NUTM2G: variants seen among roughly 807,000 people sequenced by gnomAD.
The protein encoded by NUTM2G is NUT family member 2G.
A neutral mutation model predicts 44.3 loss-of-function variants in NUTM2G; 29 were observed. The ratio of observed to expected loss-of-function variants is 0.66; its 90% CI spans 0.49 to 0.89. The LOEUF (loss-of-function observed/expected upper bound fraction) is 0.89, where lower values mean the gene tolerates loss of function less well. NUTM2G is among the 40% of genes least tolerant of loss of function. The pLI is 0.00. For synonymous variants in NUTM2G, 205 were observed against 395.9 expected (o/e 0.52, Z 5.72); for missense variants, 502 against 946.5 (o/e 0.53, Z 6.16).
At position 96,935,492 on chromosome 9, in the gene NUTM2G, C is replaced by T. The variant is rs758990306; in HGVS notation, c.842+36C>T. ...GGTCCTGGGGGCAGGGCCCGTGTGGCGGGGTGAGAGTGAATGACAGAGGCC... is the reference window on the plus strand; with the variant it reads ...GGTCCTGGGGGCAGGGCCCGTGTGGTGGGGTGAGAGTGAATGACAGAGGCC... On this transcript the variant is annotated intron_variant, in intron 3 of 6. Coordinates refer to ENST00000372322, the MANE Select transcript of NUTM2G (RefSeq NM_001170741.3). The T allele has an allele frequency of 6.8e-6, 11 of 1,611,734 alleles. No homozygotes were observed. In the East Asian group the frequency reaches 1.1e-4, roughly 16 times the overall value.
downstream of NUTM2G, chr9:96,942,740 G>T (rs551822998): frequency 1.3e-5 from 2 of 149,570 alleles, no homozygotes; most frequent in African/African-American, 5.0e-5. Context: ...CACGTATACG[G>T]TATTTGCATA....
At chr9:96,935,954 A>G (rs963278034) in intron 3 of NUTM2G, among the ~76,000 whole-genome samples, 22 of 150,096 alleles carry the variant, frequency 1.5e-4, no homozygotes, top group African/African-American at 5.4e-4. Context: ...GTGAAGACAG[A>G]CAGACAGCAG....
chr9:96,937,791 G>C (rs866096476), intron 5 of NUTM2G, 94 bp from the exon 6 acceptor site: 1 of 1,554,440 alleles, frequency 6.4e-7, no homozygotes, highest in Non-Finnish European at 8.9e-7. Context: ...GGTGGGAATG[G>C]GGCCCTCCCT....
chr9:96,930,351 C>T (rs1826199329), intron 1 of NUTM2G, among the ~76,000 whole-genome samples: 1 of 152,116 alleles, frequency 6.6e-6, no homozygotes, highest in Non-Finnish European at 1.5e-5. Flanking sequence ...TGGTGAAACC[C>T]CGTCTCTACT....
At chr9:96,931,212 G>A (rs1826235104) in intron 1 of NUTM2G, among the ~76,000 whole-genome samples, 1 of 151,808 alleles carries the variant, frequency 6.6e-6, no homozygotes, top group South Asian at 2.1e-4. Flanking sequence ...CTTTTGTTGT[G>A]TTGAGCTAGG....
chr9:96,931,887 G>A lies in NUTM2G; in HGVS notation c.182G>A (p.Ser61Asn), dbSNP rs1469397101. ...CCTCTGGTGCTCTCTGCCTTCCCCAGCACCCCTCTAGTGGCAGGACAGGAT... is the reference window on the plus strand; with the variant it reads ...CCTCTGGTGCTCTCTGCCTTCCCCAACACCCCTCTAGTGGCAGGACAGGAT... ...AGPLVLSAFP[S>N]TPLVAGQDGR... is the part of the protein sequence containing the mutation. Residue 61 changes from serine (S) to asparagine (N), a missense_variant, in exon 2 of 7, where the codon AGC (serine) becomes AAC (asparagine). Physicochemically the swap from Ser to Asn is conservative, Grantham distance 46 (BLOSUM62 1). Transcript: ENST00000372322. The A allele has an allele frequency of 2.5e-6, 4 of 1,612,358 alleles. No individual in the cohort carries two copies. The highest frequency in any genetic ancestry group is 2.2e-5 in the South Asian group (2 of 90,994).
intron 2 of NUTM2G, among the ~76,000 whole-genome samples, chr9:96,932,715 C>T (rs1378570279): frequency 4.0e-5 from 6 of 150,602 alleles, no homozygotes; most frequent in South Asian, 4.2e-4. Flanking sequence ...TGCAATGGCG[C>T]GATCTCAGCT....
At chr9:96,929,212 G>C (rs1161634776) in intron 1 of NUTM2G, among the ~76,000 whole-genome samples, 172 bp downstream of exon 1, 4 of 152,158 alleles carry the variant, frequency 2.6e-5, no homozygotes, top group African/African-American at 9.7e-5. Context: ...TCTGTGGTTA[G>C]GGAGGAGGGC....
At chr9:96,932,897 C>T (rs1221261640) in intron 2 of NUTM2G, among the ~76,000 whole-genome samples, 3 of 151,862 alleles carry the variant, frequency 2.0e-5, no homozygotes, top group South Asian at 2.1e-4. Context: ...GATCTGCCCG[C>T]CTCAGCCTCT....
At chr9:96,929,860 T>A (rs1055297325) in intron 1 of NUTM2G, among the ~76,000 whole-genome samples, 3 of 151,676 alleles carry the variant, frequency 2.0e-5, no homozygotes, top group African/African-American at 7.3e-5. Context: ...TACTACCTCA[T>A]GAACGGGCGA....
At chr9:96,934,460 T>C (rs1826365818) in intron 2 of NUTM2G, among the ~76,000 whole-genome samples, 2 of 151,884 alleles carry the variant, frequency 1.3e-5, no homozygotes, top group South Asian at 4.1e-4. Context: ...CCCTGATTCT[T>C]GGAGTGTAGC....
At position 96,937,272 on chromosome 9, in the gene NUTM2G, C is replaced by T. The variant is rs374003970; in HGVS notation, c.1191C>T (p.Asp397=). Residue 397 remains aspartate (D), a synonymous_variant, in exon 5 of 7, where the codon GAC becomes GAT. Transcript: ENST00000372322. ...AGCTGCTGGGGTCTCACCCTGGGGA[C>T]ACAGGGGAGCCTGAGGGACAACGGG... is the stretch of plus-strand genomic sequence containing the variant. The part of the protein sequence containing the change: ...MEELLGSHPG[D]TGEPEGQREK... 760 of 1,613,626 alleles carry T rather than the reference C, an allele frequency of 4.7e-4. 5 individuals are homozygous for T. In the African/African-American group the frequency reaches 8.8e-3, roughly 19 times the overall value.
Position 96,931,787 on chromosome 9 carries a change from C to G in NUTM2G, c.82C>G (p.Leu28Val), listed in dbSNP as rs1360405482. The change falls in exon 2 of 7, where the codon CTG becomes GTG. Residue 28 changes from leucine (L) to valine (V), a missense_variant. By Grantham distance (32) the Leu-to-Val change is conservative. Coordinates refer to ENST00000372322, the MANE Select transcript of NUTM2G (RefSeq NM_001170741.3). ...PGTSLSVFTA[L>V]PFATPSPGPT... ...CACCTCCCTGTCTGTGTTCACGGCT[C>G]TGCCCTTTGCCACACCCTCTCCCGG... The G allele has an allele frequency of 1.2e-6, 2 of 1,611,728 alleles. No homozygotes were observed. Among genetic ancestry groups the G allele is most frequent in the Admixed American group, 1.7e-5 (1 of 60,004 alleles).
chr9:96,931,846 G>C lies in NUTM2G; in HGVS notation c.141G>C (p.Val47=), dbSNP rs755062137. The change falls in exon 2 of 7, where the codon GTG becomes GTC. Residue 47 remains valine (V), a synonymous_variant. Coordinates refer to ENST00000372322, the MANE Select transcript of NUTM2G (RefSeq NM_001170741.3). ...ACAGGCCGCCCCTCGTGACTGCAGT[G>C]GTTCCTCCAGCCGGCCCTCTGGTGC... ...PTHRPPLVTA[V]VPPAGPLVLS... 4 of 1,612,272 alleles carry C rather than the reference G, an allele frequency of 2.5e-6. No homozygotes were observed. The South Asian group carries it at 3.3e-5, about 13-fold the overall frequency.
At chr9:96,937,640 CCT>C (rs1764525947) in intron 5 of NUTM2G, among the ~76,000 whole-genome samples, 1 of 151,794 alleles carries the variant, frequency 6.6e-6, no homozygotes, top group Non-Finnish European at 1.5e-5. Flanking sequence ...GTGTATGTTA[CCT>C]GTGTCTGTCT....
At chr9:96,934,359 G>T (rs374357700) in intron 2 of NUTM2G, among the ~76,000 whole-genome samples, 1 of 152,200 alleles carries the variant, frequency 6.6e-6, no homozygotes, top group African/African-American at 2.4e-5. Flanking sequence ...AGGTGAAGGC[G>T]GTCCCGTCTT....
At chr9:96,933,373 T>TTTTG (rs367889105) in intron 2 of NUTM2G, 4,222 of 151,508 alleles carry the variant, frequency 0.028, 194 homozygotes, top group African/African-American at 0.096. Context: ...TTTAGGTCTT[T>TTTTG]TTTGTTTGTT....
chr9:96,932,648 CTTAA>C (rs1341524677), intron 2 of NUTM2G, among the ~76,000 whole-genome samples: 2 of 150,894 alleles, frequency 1.3e-5, no homozygotes, highest in African/African-American at 2.5e-5. Flanking sequence ...CCAGCCAATC[CTTAA>C]TTTTTTTTTT....
intron 2 of NUTM2G, among the ~76,000 whole-genome samples, chr9:96,933,009 A>C (rs1588201323): frequency 5.6e-5 from 7 of 125,674 alleles, no homozygotes; most frequent in Admixed American, 1.8e-4. Context: ...ATGGAGTCTC[A>C]CTCTGTCGCC....
Sources: allele counts gnomAD v4.1 joint callset (sites outside exome capture counted in the v4.1 genomes callset), GRCh38; gene constraint gnomAD v4.1.1; transcripts MANE v1.5; gene names NCBI Gene and HGNC (gene_info 2026-07-23, HGNC 2026-07-21).